Variants in SPATA31D1 observed in about 807,000 individuals in gnomAD.
The protein encoded by SPATA31D1 is spermatogenesis-associated protein 31D1.
A neutral mutation model predicts 13.2 loss-of-function variants in SPATA31D1; 6 were observed. That is an observed-to-expected ratio of 0.46 (90% CI 0.25 to 0.90). The LOEUF (loss-of-function observed/expected upper bound fraction) is 0.90, where lower values mean the gene tolerates loss of function less well. SPATA31D1 is among the 40% of genes least tolerant of loss of function. The pLI, the probability that SPATA31D1 is intolerant of heterozygous loss-of-function variation, is 0.18. For synonymous variants in SPATA31D1, 903 were observed against 718.8 expected (o/e 1.26, Z -4.10); for missense variants, 2,445 against 1,884.7 (o/e 1.30, Z -5.50).
At position 81,992,043 on chromosome 9, in the gene SPATA31D1, C is replaced by T. The variant is rs935492499; in HGVS notation, c.1573C>T (p.His525Tyr). The T allele has an allele frequency of 2.5e-6, 4 of 1,613,774 alleles. No individual in the cohort carries two copies. Among genetic ancestry groups the T allele is most frequent in the African/African-American group, 2.7e-5 (2 of 75,036 alleles). The change falls in exon 4 of 4, where the codon CAT becomes TAT. Residue 525 changes from histidine (H) to tyrosine (Y), a missense_variant. Transcript: ENST00000344803. ...TCCTACTGTTCTTGTCCAACGTGGC[C>T]ATTCCTCCATGTTTGTATTCTTCAA... ...LHPTVLVQRG[H>Y]SSMFVFFNGI...
rs1358156897 is a variant in SPATA31D1 at position 81,993,878 on chromosome 9, T to C, written c.3408T>C (p.Asn1136=). The C allele has an allele frequency of 1.9e-6, 3 of 1,614,028 alleles. No homozygotes were observed. The highest frequency in any genetic ancestry group is 2.2e-5 in the East Asian group (1 of 44,866). ...ATAAGAGAAAGAGTTCCTTTCATAA[T>C]GTAGACAGGCTTCAGGGCAGTAGAA... ...SWDKRKSSFH[N]VDRLQGSRKT... The change falls in exon 4 of 4, where the codon AAT becomes AAC. Residue 1136 remains asparagine, a synonymous_variant. Transcript: ENST00000344803.
In SPATA31D1 at chr9:81,993,537, A is replaced by T; in HGVS notation, c.3067A>T (p.Thr1023Ser). 1 of 1,613,904 alleles carries T rather than the reference A, an allele frequency of 6.2e-7. No individual in the cohort carries two copies. Among genetic ancestry groups the T allele is most frequent in the Non-Finnish European group, 8.5e-7 (1 of 1,179,856 alleles). The change falls in exon 4 of 4, where the codon ACA (threonine) becomes TCA (serine). Residue 1023 changes from threonine (T) to serine (S), a missense_variant. Transcript: ENST00000344803. Reference protein sequence around the residue: ...IETDSKDGASTSLRRGTTDFQ... With the variant: ...IETDSKDGASSSLRRGTTDFQ... ...GACAGATTCCAAAGACGGGGCCTCC[A>T]CATCCCTTAGAAGAGGTACTACAGA... is the stretch of plus-strand genomic sequence containing the variant.
chr9:81,990,784 C>T lies in SPATA31D1; in HGVS notation c.314C>T (p.Pro105Leu). Residue 105 changes from proline to leucine, a missense_variant, in exon 4 of 4, where the codon CCT becomes CTT. Transcript: ENST00000344803. Reference sequence around the variant, plus strand: ...GGTCCTGACTGCAGCTTTGGACCTCCTGTTTCCTGCAGTCCTCGGGGCCAG... The same window carrying T: ...GGTCCTGACTGCAGCTTTGGACCTCTTGTTTCCTGCAGTCCTCGGGGCCAG... ...LLSLLKSFGP[P>L]VSCSPRGQHH... 1 of 1,610,296 alleles carries T rather than the reference C, an allele frequency of 6.2e-7. No homozygotes were observed. Among genetic ancestry groups the T allele is most frequent in the South Asian group, 1.1e-5 (1 of 90,348 alleles).
In SPATA31D1 at chr9:81,994,960, G is replaced by T. The variant is rs759977255; in HGVS notation, c.4490G>T (p.Arg1497Ile). The change falls in exon 4 of 4, where the codon AGA becomes ATA. Residue 1497 changes from arginine to isoleucine, a missense_variant. Transcript: ENST00000344803. ...ATTAGACAGATCATAGACAAGGACA[G>T]ACAGCCCCAGAAAGTTGAGGCATTT... ...TRIRQIIDKD[R>I]QPQKVEAFKG... 14 of 1,613,856 alleles carry T rather than the reference G, an allele frequency of 8.7e-6. No individual in the cohort carries two copies. In the South Asian group the frequency reaches 1.5e-4, roughly 18 times the overall value.
In SPATA31D1 at chr9:81,993,728, A is replaced by T; in HGVS notation, c.3258A>T (p.Arg1086Ser). ...TESVRTTEDG[R>S]QTFLPPPHSI... is the part of the protein sequence containing the mutation. ...GTGTCCGGACAACAGAGGATGGCAGACAGACTTTTCTGCCCCCGCCACACA... is the reference window on the plus strand; with the variant it reads ...GTGTCCGGACAACAGAGGATGGCAGTCAGACTTTTCTGCCCCCGCCACACA... The change falls in exon 4 of 4, where the codon AGA becomes AGT. Residue 1086 changes from arginine to serine, a missense_variant. Coordinates refer to ENST00000344803, the MANE Select transcript of SPATA31D1 (RefSeq NM_001001670.3). The T allele has an allele frequency of 6.2e-7, 1 of 1,614,002 alleles. No individual in the cohort carries two copies. The highest frequency in any genetic ancestry group is 1.1e-5 in the South Asian group (1 of 91,084).
At position 81,994,401 on chromosome 9, in the gene SPATA31D1, C is replaced by T. The variant is rs2133444427; in HGVS notation, c.3931C>T (p.Leu1311=). 1.9e-6 allele frequency: 3 copies of T among 1,613,896 alleles called. No individual in the cohort carries two copies. Among genetic ancestry groups the T allele is most frequent in the South Asian group, 1.1e-5 (1 of 91,078 alleles). ...AGAGCTTGATGGAGGGGATGCAGGG[C>T]TGGGGACATCCCAACGCAGGAGAAA... ...GGELDGGDAG[L]GTSQRRRKSL... The change falls in exon 4 of 4, where the codon CTG becomes TTG. Residue 1311 remains leucine (L), a synonymous_variant. Transcript: ENST00000344803.
chr9:81,991,342 C>T lies in SPATA31D1; in HGVS notation c.872C>T (p.Ser291Phe), dbSNP rs144337990. Reference protein sequence around the residue: ...DISQAMNPIDSCARHHGPPIP... With the variant: ...DISQAMNPIDFCARHHGPPIP... The stretch of plus-strand genomic sequence containing the variant: ...TCGCAGGCCATGAATCCCATTGATT[C>T]TTGTGCTCGTCATCACGGACCACCA... The change falls in exon 4 of 4, where the codon TCT becomes TTT. Residue 291 changes from serine (S) to phenylalanine (F), a missense_variant. Physicochemically the swap from Ser to Phe is radical, Grantham distance 155. Coordinates refer to ENST00000344803, the MANE Select transcript of SPATA31D1 (RefSeq NM_001001670.3). 10 of 1,613,920 alleles carry T rather than the reference C, an allele frequency of 6.2e-6. No individual in the cohort carries two copies. The Admixed American group carries it at 1.2e-4, about 19-fold the overall frequency.
rs538208797 is a variant in SPATA31D1 at position 81,989,147 on chromosome 9, T to C, written c.186+143T>C. On this transcript the variant is annotated intron_variant, in intron 1 of 3. Transcript: ENST00000344803. ...AAGAGAGGATAGAACTTCACTCTTCTATGGAAGAGGTTGGGCAGACATAGG... is the reference window on the plus strand; with the variant it reads ...AAGAGAGGATAGAACTTCACTCTTCCATGGAAGAGGTTGGGCAGACATAGG... 11 of 1,306,686 alleles carry C rather than the reference T, an allele frequency of 8.4e-6. No individual in the cohort carries two copies. The South Asian group carries it at 9.4e-5, about 11-fold the overall frequency. The allele number at this position is 1,306,686 out of a possible 1,614,324, so 80.9% of individuals were successfully genotyped here. A position where few individuals can be genotyped will look rare whatever the true frequency, so the allele number is the denominator to read the frequency against.
rs1461472320 is a variant in SPATA31D1, at chr9:81,988,994, A to G, written c.176A>G (p.Asp59Gly). Residue 59 changes from aspartate (D) to glycine (G), a missense_variant, in exon 1 of 4, where the codon GAC becomes GGC. By Grantham distance (94) the Asp-to-Gly change is moderately conservative. Coordinates refer to ENST00000344803, the MANE Select transcript of SPATA31D1 (RefSeq NM_001001670.3). ...LYSSPTEKNN[D>G]IQKHQGRAKR... ...TCGTCACCCACCGAAAAAAATAATG[A>G]CATCCAAAAGGTAAGGAACTGTGGG... The G allele has an allele frequency of 6.2e-7, 1 of 1,611,632 alleles. No homozygotes were observed. Among genetic ancestry groups the G allele is most frequent in the Non-Finnish European group, 8.5e-7 (1 of 1,179,692 alleles).
chr9:81,989,363 T>C (rs1165795474), intron 1 of SPATA31D1, among the ~76,000 whole-genome samples: 1 of 152,218 alleles, frequency 6.6e-6, no homozygotes, highest in East Asian at 1.9e-4. Context: ...ATGAGTCAGA[T>C]TCCCATGTCA....
In SPATA31D1 at chr9:81,993,581, A is replaced by T; in HGVS notation, c.3111A>T (p.Leu1037Phe). 1.9e-6 allele frequency: 3 copies of T among 1,613,900 alleles called. No individual in the cohort carries two copies. The highest frequency in any genetic ancestry group is 2.5e-6 in the Non-Finnish European group (3 of 1,179,860). The change falls in exon 4 of 4, where the codon TTA becomes TTT. Residue 1037 changes from leucine to phenylalanine, a missense_variant. Transcript: ENST00000344803. The part of the protein sequence containing the change: ...RGTTDFQSEK[L>F]DSTSSFPILG... ...CTACAGATTTTCAAAGCGAAAAATT[A>T]GATTCAACAAGCTCATTCCCCATCC...
In SPATA31D1 at chr9:81,991,613, T is replaced by TA. The variant is rs1824965814; in HGVS notation, c.1144dup (p.Thr382AsnfsTer6). On this transcript the variant is annotated frameshift_variant, in exon 4 of 4. Transcript: ENST00000344803. LOFTEE classifies it low-confidence loss of function (END_TRUNC). Reference sequence around the variant, plus strand: ...CATCTGATTTCATGGAGGAGCTTCTTACCCTTCATTCTTCTGAGGCCTTTT... The same window carrying TA: ...CATCTGATTTCATGGAGGAGCTTCTTAACCCTTCATTCTTCTGAGGCCTTTT... 6.2e-7 allele frequency: 1 copy of TA among 1,614,012 alleles called. No homozygotes were observed. Among genetic ancestry groups the TA allele is most frequent in the East Asian group, 2.2e-5 (1 of 44,870 alleles).
chr9:81,994,062 T>C lies in SPATA31D1; in HGVS notation c.3592T>C (p.Ser1198Pro), dbSNP rs777996007. 3.7e-6 allele frequency: 6 copies of C among 1,613,822 alleles called. No homozygotes were observed. The highest frequency in any genetic ancestry group is 2.5e-6 in the Non-Finnish European group (3 of 1,179,766). The change falls in exon 4 of 4, where the codon TCA becomes CCA. Residue 1198 changes from serine (S) to proline (P), a missense_variant. Physicochemically the swap from Ser to Pro is moderately conservative, Grantham distance 74 (BLOSUM62 -1). Coordinates refer to ENST00000344803, the MANE Select transcript of SPATA31D1 (RefSeq NM_001001670.3). ...ATCAGTTCCTCAAGATCCTAAATCA[T>C]CATACCTTAAAAATCAGATGTTGAG... is the stretch of plus-strand genomic sequence containing the variant. ...RISVPQDPKS[S>P]YLKNQMLSQL... is the part of the protein sequence containing the mutation.
Position 81,988,901 on chromosome 9 carries a change from A to G in SPATA31D1, c.83A>G (p.Asn28Ser), listed in dbSNP as rs754350151. The part of the protein sequence containing the change: ...PDSHWLDIDP[N>S]FICLSGLGLF... ...TCACATTGGTTGGATATCGACCCCA[A>G]CTTCATCTGCTTGAGTGGGTTGGGG... Residue 28 changes from asparagine (N) to serine (S), a missense_variant, in exon 1 of 4, where the codon AAC (asparagine) becomes AGC (serine). Asn to Ser is a conservative substitution (Grantham distance 46). Coordinates refer to ENST00000344803, the MANE Select transcript of SPATA31D1 (RefSeq NM_001001670.3). The G allele has an allele frequency of 9.9e-6, 16 of 1,612,556 alleles. No homozygotes were observed. The highest frequency in any genetic ancestry group is 2.2e-5 in the South Asian group (2 of 91,026).
chr9:81,994,077 C>T lies in SPATA31D1; in HGVS notation c.3607C>T (p.Gln1203Ter), dbSNP rs139638496. The change falls in exon 4 of 4, where the codon CAG becomes TAG. Residue 1203 changes from glutamine (Q) to a stop codon, truncating the protein, a stop_gained. Transcript: ENST00000344803. LOFTEE classifies it low-confidence loss of function (END_TRUNC). ...QDPKSSYLKN[Q>*]MLSQLKLVQR... ...TCCTAAATCATCATACCTTAAAAAT[C>T]AGATGTTGAGCCAGTTAAAGTTGGT... is the stretch of plus-strand genomic sequence containing the variant. 6.2e-7 allele frequency: 1 copy of T among 1,613,804 alleles called. No individual in the cohort carries two copies. The highest frequency in any genetic ancestry group is 8.5e-7 in the Non-Finnish European group (1 of 1,179,776).
Position 81,992,488 on chromosome 9 carries a change from T to G in SPATA31D1, c.2018T>G (p.Ile673Ser). The G allele has an allele frequency of 1.2e-6, 2 of 1,612,034 alleles. No individual in the cohort carries two copies. The highest frequency in any genetic ancestry group is 2.2e-5 in the South Asian group (2 of 91,004). ...AAGGTCCATGTTCCGATCTCCATCA[T>G]TCCTGGAGATTTTCCACTCAGCTCT... The part of the protein sequence containing the change: ...SFKVHVPISI[I>S]PGDFPLSSEV... Residue 673 changes from isoleucine (I) to serine (S), a missense_variant, in exon 4 of 4, where the codon ATT becomes AGT. Physicochemically the swap from Ile to Ser is moderately radical, Grantham distance 142. Transcript: ENST00000344803.
At chr9:81,988,731 C>T (rs1404369158), upstream of SPATA31D1, 3 of 1,597,714 alleles carry the variant, frequency 1.9e-6, no homozygotes, top group Non-Finnish European at 2.6e-6. Flanking sequence ...TGTGACTCTT[C>T]CATGCTCTGT....
rs758508962 is a variant in SPATA31D1, at chr9:81,989,015, G to A, written c.186+11G>A. ...AATGACATCCAAAAGGTAAGGAACT[G>A]TGGGTGAACACCCAAGAGAGATGCC... On this transcript the variant is annotated intron_variant, in intron 1 of 3. Transcript: ENST00000344803. The A allele has an allele frequency of 1.4e-5, 23 of 1,611,198 alleles. No individual in the cohort carries two copies. In the Admixed American group the frequency reaches 3.7e-4, roughly 26 times the overall value.
At position 81,993,815 on chromosome 9, in the gene SPATA31D1, G is replaced by T; in HGVS notation, c.3345G>T (p.Leu1115=). The change falls in exon 4 of 4, where the codon CTG becomes CTT. Residue 1115 remains leucine (L), a synonymous_variant. Coordinates refer to ENST00000344803, the MANE Select transcript of SPATA31D1 (RefSeq NM_001001670.3). ...TGGCCAGTAGATGCAGCGCAGAGCT[G>T]CCCATAATGCAAGCTGGAGCTGGCT... ...TVLASRCSAE[L]PIMQAGAGCE... 1.2e-6 allele frequency: 2 copies of T among 1,614,044 alleles called. No individual in the cohort carries two copies. The highest frequency in any genetic ancestry group is 1.7e-6 in the Non-Finnish European group (2 of 1,179,896).
Sources: allele counts gnomAD v4.1 joint callset (sites outside exome capture counted in the v4.1 genomes callset), GRCh38; gene constraint gnomAD v4.1.1; transcripts MANE v1.5; gene names NCBI Gene and HGNC (gene_info 2026-07-23, HGNC 2026-07-21).